S1PR3: variants seen among roughly 807,000 people sequenced by gnomAD.
S1PR3 encodes sphingosine 1-phosphate receptor 3.
In S1PR3, 12 loss-of-function variants were observed where a neutral mutation model predicts 13.3. The observed-to-expected ratio is 0.90, with a 90% CI of 0.58 to 1.46. The LOEUF (loss-of-function observed/expected upper bound fraction) is 1.46, where lower values mean the gene tolerates loss of function less well. Among genes scored for constraint, S1PR3 ranks in the 40% most tolerant of loss-of-function variants. The pLI is 0.00. For missense variants in S1PR3, 450 were observed against 501.9 expected (o/e 0.90, Z 0.99); for synonymous variants, 232 against 214.0 (o/e 1.08, Z -0.73).
rs1357503066 is a variant in S1PR3, at chr9:89,001,746, C to T, written c.546C>T (p.Leu182=). ...TGGGCTGGAACTGCCTGCACAATCTCCCTGACTGCTCTACCATCCTGCCCC... is the reference window on the plus strand; with the variant it reads ...TGGGCTGGAACTGCCTGCACAATCTTCCTGACTGCTCTACCATCCTGCCCC... The part of the protein sequence containing the change: ...PILGWNCLHN[L]PDCSTILPLY... Residue 182 remains leucine (L), a synonymous_variant, in exon 2 of 2, where the codon CTC becomes CTT. Transcript: ENST00000358157. 1 of 1,614,234 alleles carries T rather than the reference C, an allele frequency of 6.2e-7. No homozygotes were observed. The highest frequency in any genetic ancestry group is 8.5e-7 in the Non-Finnish European group (1 of 1,180,040).
intron 1 of S1PR3, chr9:88,992,056 C>T: frequency 1.3e-6 from 2 of 1,583,610 alleles, no homozygotes; most frequent in Non-Finnish European, 1.7e-6. Context: ...GGTCGTTAGC[C>T]TGGGAAAATC....
chr9:88,995,209 C>T (rs752758325), intron 1 of S1PR3: 8 of 167,022 alleles, frequency 4.8e-5, no homozygotes, highest in Non-Finnish European at 1.0e-4. Context: ...ATATAGCATC[C>T]TGCATCTGAC....
At chr9:88,991,267 G>A (rs748020994), upstream of S1PR3, 60 of 1,543,430 alleles carry the variant, frequency 3.9e-5, no homozygotes, top group South Asian at 3.5e-4. The surrounding 1 kb of genome is among the most constrained non-coding windows in gnomAD (Gnocchi z 4.0). Context: ...AGGGGTCCAG[G>A]CTAGGGGCGG....
rs1825870649 is a variant in S1PR3, at chr9:89,001,793, C to T, written c.593C>T (p.Ala198Val). The part of the protein sequence containing the change: ...ILPLYSKKYI[A>V]FCISIFTAIL... ...CCCCTCTACTCCAAGAAGTACATTGCCTTCTGCATCAGCATCTTCACGGCC... is the reference window on the plus strand; with the variant it reads ...CCCCTCTACTCCAAGAAGTACATTGTCTTCTGCATCAGCATCTTCACGGCC... Residue 198 changes from alanine (A) to valine (V), a missense_variant, in exon 2 of 2, where the codon GCC becomes GTC. By Grantham distance (64) the Ala-to-Val change is moderately conservative (BLOSUM62 0). Transcript: ENST00000358157. 1 of 1,614,210 alleles carries T rather than the reference C, an allele frequency of 6.2e-7. No homozygotes were observed. Among genetic ancestry groups the T allele is most frequent in the South Asian group, 1.1e-5 (1 of 91,086 alleles).
upstream of S1PR3, chr9:88,990,969 G>A: frequency 6.2e-7 from 1 of 1,611,254 alleles, no homozygotes; most frequent in Non-Finnish European, 8.5e-7. Context: ...GCAAGCCCAA[G>A]CCGGTGCTCG....
intron 1 of S1PR3, among the ~76,000 whole-genome samples, chr9:88,996,322 G>A (rs951394526): frequency 2.0e-5 from 3 of 152,062 alleles, no homozygotes; most frequent in African/African-American, 4.8e-5. Context: ...ACATGTGTTC[G>A]CCAAGAGAAC....
intron 1 of S1PR3, chr9:88,995,362 T>G (rs563966491): frequency 6.0e-6 from 1 of 167,200 alleles, no homozygotes; most frequent in South Asian, 2.1e-4. Flanking sequence ...ATTTTTCAAC[T>G]TGACATGGGT....
Position 88,991,991 on chromosome 9 carries a change from A to G in S1PR3, c.-148+296A>G, listed in dbSNP as rs1419271254. 1 of 1,614,110 alleles carries G rather than the reference A, an allele frequency of 6.2e-7. No homozygotes were observed. On this transcript the variant is annotated intron_variant, in intron 1 of 1. Coordinates refer to ENST00000358157, the MANE Select transcript of S1PR3 (RefSeq NM_005226.4). This position sits in a 1 kb window ranked among gnomAD's most constrained non-coding sequence, Gnocchi z 4.0. ...AGTCGTTTTCCTTGGACAATTAACA[A>G]GTTAGGCTTCCACAGTGCCAGGGCC...
At chr9:88,995,272 A>AG (rs917768772) in intron 1 of S1PR3, 5 of 167,002 alleles carry the variant, frequency 3.0e-5, no homozygotes, top group African/African-American at 1.2e-4. Context: ...GGAGAGAGAA[A>AG]GGGGGGTGTT....
Position 89,001,305 on chromosome 9 carries a change from C to T in S1PR3, c.105C>T (p.Ala35=), listed in dbSNP as rs1825863598. The change falls in exon 2 of 2, where the codon GCC becomes GCT. Residue 35 remains alanine (A), a synonymous_variant. Transcript: ENST00000358157. ...VGKLAGRLKE[A]SEGSTLTTVL... is the part of the protein sequence containing the mutation. ...AGTTGGCGGGCAGGCTGAAGGAGGC[C>T]TCCGAGGGCAGCACGCTCACCACCG... 4 of 1,614,188 alleles carry T rather than the reference C, an allele frequency of 2.5e-6. No homozygotes were observed. Among genetic ancestry groups the T allele is most frequent in the Non-Finnish European group, 3.4e-6 (4 of 1,180,044 alleles).
rs1825876035 is a variant in S1PR3, at chr9:89,002,092, T to C, written c.892T>C (p.Tyr298His). 1 of 1,613,882 alleles carries C rather than the reference T, an allele frequency of 6.2e-7. No individual in the cohort carries two copies. The highest frequency in any genetic ancestry group is 8.5e-7 in the Non-Finnish European group (1 of 1,180,014). The change falls in exon 2 of 2, where the codon TAC (tyrosine) becomes CAC (histidine). Residue 298 changes from tyrosine to histidine, a missense_variant. Physicochemically the swap from Tyr to His is moderately conservative, Grantham distance 83 (BLOSUM62 2). Transcript: ENST00000358157. ...VLNSAMNPVI[Y>H]TLASKEMRRA... ...CAACTCCGCCATGAACCCGGTCATCTACACGCTGGCCAGCAAGGAGATGCG... is the reference window on the plus strand; with the variant it reads ...CAACTCCGCCATGAACCCGGTCATCCACACGCTGGCCAGCAAGGAGATGCG...
At position 89,002,387 on chromosome 9, in the gene S1PR3, G is replaced by A. The variant is rs745734911; in HGVS notation, c.*50G>A. 61 of 1,573,514 alleles carry A rather than the reference G, an allele frequency of 3.9e-5. No homozygotes were observed. The highest frequency in any genetic ancestry group is 4.8e-5 in the South Asian group (4 of 84,066). ...GGCTGTGTTCTTATTTATTGCATGC[G>A]TCGCTTCCACAGGGGCCCCTCAAGA... On this transcript the variant is annotated 3_prime_UTR_variant, in exon 2 of 2. Transcript: ENST00000358157.
At chr9:88,992,669 T>C (rs932990487) in intron 1 of S1PR3, 4 of 152,308 alleles carry the variant, frequency 2.6e-5, no homozygotes, top group African/African-American at 9.7e-5. Flanking sequence ...AAAATATAAT[T>C]CCTAGAAAGT....
Position 89,002,705 on chromosome 9 carries a change from A to G in S1PR3, c.*368A>G, listed in dbSNP as rs990216805. On this transcript the variant is annotated 3_prime_UTR_variant, in exon 2 of 2. Coordinates refer to ENST00000358157, the MANE Select transcript of S1PR3 (RefSeq NM_005226.4). ...TGGTGTTTTGATGATTTTACACTACATTTCCTGTGCGTAGAATGGATGCTT... is the reference window on the plus strand; with the variant it reads ...TGGTGTTTTGATGATTTTACACTACGTTTCCTGTGCGTAGAATGGATGCTT... 3.5e-6 allele frequency: 1 copy of G among 287,820 alleles called. No individual in the cohort carries two copies. Among genetic ancestry groups the G allele is most frequent in the Admixed American group, 4.7e-5 (1 of 21,236 alleles). The allele number at this position is 287,820 out of a possible 1,614,324, so 17.8% of individuals were successfully genotyped here.
chr9:88,994,975 G>A (rs1187632286), intron 1 of S1PR3: 3 of 167,090 alleles, frequency 1.8e-5, no homozygotes, highest in East Asian at 1.9e-4. Flanking sequence ...GCAGAGCGAG[G>A]TCACCCAAGA....
intron 1 of S1PR3, 28 bp from the exon 2 acceptor site, chr9:89,001,026 G>A: frequency 1.4e-6 from 1 of 693,652 alleles, no homozygotes; most frequent in East Asian, 2.7e-5. Flanking sequence ...TTTATCAATG[G>A]TCGCTCCCTC....
Position 89,001,846 on chromosome 9 carries a change from G to T in S1PR3, c.646G>T (p.Ala216Ser), listed in dbSNP as rs767086639. 1.7e-5 allele frequency: 27 copies of T among 1,614,058 alleles called. No homozygotes were observed. Among genetic ancestry groups the T allele is most frequent in the Non-Finnish European group, 2.1e-5 (25 of 1,180,046 alleles). The change falls in exon 2 of 2, where the codon GCA (alanine) becomes TCA (serine). Residue 216 changes from alanine (A) to serine (S), a missense_variant. Coordinates refer to ENST00000358157, the MANE Select transcript of S1PR3 (RefSeq NM_005226.4). ...AILVTIVILY[A>S]RIYFLVKSSS... The stretch of plus-strand genomic sequence containing the variant: ...CCTGGTGACCATCGTGATCCTCTAC[G>T]CACGCATCTACTTCCTGGTGAAGTC...
At chr9:88,993,639 G>A (rs1825755074) in intron 1 of S1PR3, 1 of 152,104 alleles carries the variant, frequency 6.6e-6, no homozygotes, top group Admixed American at 6.5e-5. Flanking sequence ...TTAAGCTTTT[G>A]GAAATGTATA....
Position 89,002,242 on chromosome 9 carries a change from T to C in S1PR3, c.1042T>C (p.Ser348Pro). Residue 348 changes from serine to proline, a missense_variant, in exon 2 of 2, where the codon TCT becomes CCT. Coordinates refer to ENST00000358157, the MANE Select transcript of S1PR3 (RefSeq NM_005226.4). Reference sequence around the variant, plus strand: ...AAGCAGCAGCAACAATAGCAGCCACTCTCCGAAGGTCAAGGAAGACCTGCC... The same window carrying C: ...AAGCAGCAGCAACAATAGCAGCCACCCTCCGAAGGTCAAGGAAGACCTGCC... Reference protein sequence around the residue: ...KSSSSNNSSHSPKVKEDLPHT... With the variant: ...KSSSSNNSSHPPKVKEDLPHT... The C allele has an allele frequency of 6.2e-7, 1 of 1,614,012 alleles. No individual in the cohort carries two copies. The highest frequency in any genetic ancestry group is 8.5e-7 in the Non-Finnish European group (1 of 1,180,028).
Sources: gnomAD v4.1 joint callset for allele counts (sites outside exome capture counted in the v4.1 genomes callset) on GRCh38, gnomAD v4.1.1 for gene constraint, Gnocchi (gnomAD v3.1) non-coding constraint, MANE v1.5 for transcripts, NCBI Gene and HGNC (gene_info 2026-07-23, HGNC 2026-07-21) for gene names.